DRD2: variants seen among roughly 807,000 people sequenced by gnomAD.
The protein encoded by DRD2 is D(2) dopamine receptor.
Under a neutral mutation model 38.0 loss-of-function variants are expected in DRD2, and 8 were observed. That is an observed-to-expected ratio of 0.21 (90% CI 0.12 to 0.38). The LOEUF is 0.38. DRD2 is among the 10% of genes least tolerant of loss of function. The probability of loss-of-function intolerance (pLI) is 1.00; values close to 1 mark genes in which losing one functional copy is unlikely to be tolerated. For missense variants in DRD2, 403 were observed against 607.7 expected, an observed-to-expected ratio of 0.66 and a Z score of 3.54; for synonymous variants, 230 against 238.6, an observed-to-expected ratio of 0.96 and a Z score of 0.33.
At chr11:113,444,128 C>T (rs534471588) in intron 1 of DRD2, among the ~76,000 whole-genome samples, 2 of 152,242 alleles carry the variant, frequency 1.3e-5, no homozygotes, top group East Asian at 1.9e-4. Flanking sequence ...CTCCGCCTCC[C>T]GGGTTCAAGC....
chr11:113,421,818 G>A (rs1014442629), intron 2 of DRD2, among the ~76,000 whole-genome samples: 21 of 152,094 alleles, frequency 1.4e-4, no homozygotes, highest in Admixed American at 3.3e-4. Context: ...ACAACAAATC[G>A]CTGAGATAAT....
rs142816931 is a variant in DRD2 at position 113,419,576 on chromosome 11, G to A, written c.286-1440C>T. ...CACACTCACGGCAGCTGTCCCTAGC[G>A]CTCTGGAAGCTTGGAGCAGCCCCAG... On this transcript the variant is annotated intron_variant, in intron 2 of 7. Transcript: ENST00000362072. 5.4e-5 allele frequency among the ~76,000 whole-genome samples: 8 copies of A among 148,412 alleles called. No individual in the cohort carries two copies. The East Asian group carries it at 6.2e-4, about 11-fold the overall frequency.
chr11:113,468,577 T>C (rs1417654014), intron 1 of DRD2, among the ~76,000 whole-genome samples: 1 of 152,212 alleles, frequency 6.6e-6, no homozygotes, highest in Non-Finnish European at 1.5e-5. Context: ...AGATGGAGTC[T>C]CGTTCTGCCA....
intron 6 of DRD2, chr11:113,414,027 A>G: frequency 2.8e-6 from 1 of 359,314 alleles, no homozygotes; most frequent in South Asian, 2.3e-5. Context: ...TGTCAACTGA[A>G]GATCGGTTCG....
At chr11:113,412,909 G>A (rs1187937246) in intron 6 of DRD2, 26 bp from the exon 7 acceptor site, 3 of 1,600,588 alleles carry the variant, frequency 1.9e-6, no homozygotes, top group Non-Finnish European at 1.7e-6. Context: ...AGGGCTCTGG[G>A]TAAAGCCGGA....
At chr11:113,418,295 G>A (rs776974862) in intron 2 of DRD2, among the ~76,000 whole-genome samples, 159 bp from the exon 3 acceptor site, 96 of 152,148 alleles carry the variant, frequency 6.3e-4, no homozygotes, top group Admixed American at 1.2e-3. Context: ...GCCCATGGGT[G>A]TCTGAGGCCC....
At chr11:113,452,465 TGTGTGCGCGCGC>T (rs1259807918) in intron 1 of DRD2, among the ~76,000 whole-genome samples, 4 of 89,514 alleles carry the variant, frequency 4.5e-5, no homozygotes, top group Non-Finnish European at 7.6e-5. Context: ...TGTGTGTGTG[TGTGTGCGCGCGC>T]GCGCGCGCGC....
intron 1 of DRD2, among the ~76,000 whole-genome samples, chr11:113,428,944 T>C (rs1950962429): frequency 1.3e-5 from 2 of 152,120 alleles, no homozygotes; most frequent in Admixed American, 1.3e-4. Context: ...ACAATGTAGA[T>C]GGCAAATGTG....
intron 2 of DRD2, among the ~76,000 whole-genome samples, chr11:113,421,010 C>T (rs1478304766): frequency 1.3e-5 from 2 of 152,140 alleles, no homozygotes; most frequent in South Asian, 2.1e-4. Context: ...AAGGACTTAC[C>T]ATGTGTCAGG....
chr11:113,424,923 G>C, intron 1 of DRD2: 1 of 525,662 alleles, frequency 1.9e-6, no homozygotes. Flanking sequence ...AGATGAGCTT[G>C]AACAGAGCTG....
At chr11:113,471,659 A>C (rs975241311) in intron 1 of DRD2, among the ~76,000 whole-genome samples, 7 of 152,226 alleles carry the variant, frequency 4.6e-5, no homozygotes, top group Non-Finnish European at 8.8e-5. Flanking sequence ...CCAGTTGCTG[A>C]GTCCAGTCCT....
At chr11:113,464,191 A>C (rs1951347533) in intron 1 of DRD2, among the ~76,000 whole-genome samples, 1 of 152,080 alleles carries the variant, frequency 6.6e-6, no homozygotes, top group African/African-American at 2.4e-5. Context: ...TGAGCCACGG[A>C]GGGAGCGGAA....
intron 1 of DRD2, among the ~76,000 whole-genome samples, chr11:113,465,493 C>T (rs1471715998): frequency 6.6e-6 from 1 of 152,150 alleles, no homozygotes; most frequent in Non-Finnish European, 1.5e-5. Context: ...AAAACCCAAT[C>T]CTTCAAGTTG....
chr11:113,418,066 G>A lies in DRD2; in HGVS notation c.356C>T (p.Thr119Met), dbSNP rs1274176960. ...IFVTLDVMMC[T>M]ASILNLCAIS... ...GGCACACAAGTTCAGGATGCTCGCCGTGCACATCATGACGTCCAGAGTGAC... is the reference window on the plus strand; with the variant it reads ...GGCACACAAGTTCAGGATGCTCGCCATGCACATCATGACGTCCAGAGTGAC... The change falls in exon 3 of 8, where the codon ACG (threonine) becomes ATG (methionine). Residue 119 changes from threonine to methionine, a missense_variant. By Grantham distance (81) the Thr-to-Met change is moderately conservative (BLOSUM62 -1). Around this residue, in one of 4 missense-constraint regions of DRD2, gnomAD observed 162 missense variants for 254.5 expected, o/e 0.64. Transcript: ENST00000362072. 2 of 1,614,056 alleles carry A rather than the reference G, an allele frequency of 1.2e-6. No homozygotes were observed. Among genetic ancestry groups the A allele is most frequent in the Non-Finnish European group, 1.7e-6 (2 of 1,180,054 alleles).
chr11:113,474,523 C>A (rs779246579), intron 1 of DRD2: 1 of 152,348 alleles, frequency 6.6e-6, no homozygotes, highest in Non-Finnish European at 1.5e-5. Context: ...CAGCGGCAAC[C>A]GTGGGAGCGG....
intron 1 of DRD2, among the ~76,000 whole-genome samples, chr11:113,463,124 C>T (rs1304556057): frequency 1.3e-5 from 2 of 152,218 alleles, no homozygotes; most frequent in South Asian, 2.1e-4. Flanking sequence ...AAGTGAACCC[C>T]TCAAAATACA....
rs767153535 is a variant in DRD2 at position 113,415,445 on chromosome 11, C to T, written c.699G>A (p.Arg233=). 9.3e-6 allele frequency: 15 copies of T among 1,613,602 alleles called. No individual in the cohort carries two copies. Among genetic ancestry groups the T allele is most frequent in the Non-Finnish European group, 1.2e-5 (14 of 1,179,712 alleles). Reference sequence around the variant, plus strand: ...CCTTTAGTGGAGCCCTCAGGTGGGCCCTGAAAGCTCGGCTGCTGCGTTTGG... The same window carrying T: ...CCTTTAGTGGAGCCCTCAGGTGGGCTCTGAAAGCTCGGCTGCTGCGTTTGG... ...VNTKRSSRAF[R]AHLRAPLKGN... is the part of the protein sequence containing the mutation. Residue 233 remains arginine, a synonymous_variant, in exon 5 of 8, where the codon AGG becomes AGA. Transcript: ENST00000362072.
intron 1 of DRD2, among the ~76,000 whole-genome samples, chr11:113,446,835 C>T (rs1368600079): frequency 2.6e-5 from 4 of 152,098 alleles, no homozygotes; most frequent in Non-Finnish European, 2.9e-5. Context: ...GTGTTGGTGG[C>T]GAGTGAGGAT....
intron 6 of DRD2, chr11:113,413,273 AG>A (rs971845128): frequency 4.6e-5 from 26 of 566,182 alleles, no homozygotes; most frequent in African/African-American, 4.3e-4. Context: ...GACTGCAAAG[AG>A]GGTGCCCACC....
Sources: gnomAD v4.1 joint callset for allele counts (sites outside exome capture counted in the v4.1 genomes callset) on GRCh38, gnomAD v4.1.1 for gene constraint, gnomAD v4.1.1 regional missense constraint, MANE v1.5 for transcripts, NCBI Gene and HGNC (gene_info 2026-07-23, HGNC 2026-07-21) for gene names.